PRKG1: variants seen among roughly 807,000 people sequenced by gnomAD.
The protein encoded by PRKG1 is protein kinase cGMP-dependent 1, also known as cGMP-dependent protein kinase 1.
PRKG1 carries 35 observed loss-of-function variants against 88.1 expected under a neutral mutation model. The ratio of observed to expected loss-of-function variants is 0.40; its 90% CI spans 0.30 to 0.53. PRKG1 has a LOEUF of 0.53. PRKG1 is among the 20% of genes least tolerant of loss of function. The probability of loss-of-function intolerance (pLI) is 0.59; values close to 1 mark genes in which losing one functional copy is unlikely to be tolerated. For missense variants in PRKG1, 540 were observed against 839.8 expected, an observed-to-expected ratio of 0.64 and a Z score of 4.41; for synonymous variants, 303 against 292.5, an observed-to-expected ratio of 1.04 and a Z score of -0.37.
intron 2 of PRKG1, among the ~76,000 whole-genome samples, chr10:51,158,937 G>A (rs1846289038): frequency 1.3e-5 from 2 of 149,280 alleles, no homozygotes; most frequent in South Asian, 4.2e-4. Context: ...CAAAAGACTA[G>A]ACTCATTTCT....
intron 2 of PRKG1, among the ~76,000 whole-genome samples, chr10:51,461,440 A>G (rs529806375): frequency 6.6e-6 from 1 of 152,328 alleles, no homozygotes; most frequent in Admixed American, 6.5e-5. Context: ...TAATACATAT[A>G]TATGTGTAAT....
rs920936914 is a variant in PRKG1, at chr10:51,373,393, C to G, written c.479-94330C>G. ...TCACCTAAGGTTTGATAAGGAGGTG[C>G]TATGATTCAAATGTGTCCTCTCCAA... is the stretch of plus-strand genomic sequence containing the variant. On this transcript the variant is annotated intron_variant, in intron 2 of 17. Transcript: ENST00000373980. Among the ~76,000 whole-genome samples, 49 of 152,128 alleles carry G rather than the reference C, an allele frequency of 3.2e-4. 1 individual carries two copies. Among genetic ancestry groups the G allele is most frequent in the Non-Finnish European group, 2.2e-4 (15 of 68,020 alleles).
At chr10:52,136,625 TCA>T (rs1837430843) in intron 8 of PRKG1, among the ~76,000 whole-genome samples, 1 of 152,070 alleles carries the variant, frequency 6.6e-6, no homozygotes, top group African/African-American at 2.4e-5. Flanking sequence ...ATTCTGAGTC[TCA>T]GTTTTCCTGT....
intron 2 of PRKG1, among the ~76,000 whole-genome samples, chr10:51,240,332 C>G (rs1395343746): frequency 6.6e-6 from 1 of 152,106 alleles, no homozygotes; most frequent in African/African-American, 2.4e-5. Flanking sequence ...ATAGACATAC[C>G]TTTGTTTGTG....
chr10:51,446,914 A>G (rs541777950), intron 2 of PRKG1, among the ~76,000 whole-genome samples: 1 of 152,146 alleles, frequency 6.6e-6, no homozygotes, highest in South Asian at 2.1e-4. Context: ...CTTTTCCTAA[A>G]TCATACAAAG....
intron 3 of PRKG1, among the ~76,000 whole-genome samples, chr10:51,793,128 C>A (rs1838913391): frequency 2.2e-5 from 2 of 92,824 alleles, no homozygotes. Context: ...TAAAGAAGGT[C>A]AGCACACTGC....
At chr10:52,205,769 G>T (rs1053090247) in intron 9 of PRKG1, among the ~76,000 whole-genome samples, 9 of 152,156 alleles carry the variant, frequency 5.9e-5, no homozygotes. Flanking sequence ...TGGGATTTCT[G>T]CTGAAAGTTC....
intron 5 of PRKG1, among the ~76,000 whole-genome samples, chr10:51,975,099 T>C (rs910693268): frequency 3.3e-5 from 5 of 152,124 alleles, no homozygotes; most frequent in Admixed American, 6.6e-5. Flanking sequence ...GACAGTTACA[T>C]GCTGAGTGCA....
At chr10:51,697,392 A>G (rs1841323630) in intron 3 of PRKG1, 2 of 290,738 alleles carry the variant, frequency 6.9e-6, no homozygotes, top group Non-Finnish European at 1.3e-5. Context: ...TAAAAAATGT[A>G]GTTAACATAC....
intron 3 of PRKG1, among the ~76,000 whole-genome samples, chr10:51,774,914 T>C (rs752572900): frequency 2.0e-5 from 3 of 152,144 alleles, no homozygotes; most frequent in Admixed American, 6.5e-5. Context: ...TGTGTTTGGT[T>C]GGTTGATTTT....
chr10:51,055,918 T>G (rs1446426576), intron 1 of PRKG1, among the ~76,000 whole-genome samples: 2 of 152,132 alleles, frequency 1.3e-5, no homozygotes, highest in African/African-American at 2.4e-5. Flanking sequence ...TTCTTTCCTC[T>G]TGATTCTACA....
At chr10:51,498,046 C>T (rs1367217341) in intron 3 of PRKG1, among the ~76,000 whole-genome samples, 1 of 152,108 alleles carries the variant, frequency 6.6e-6, no homozygotes, top group Non-Finnish European at 1.5e-5. Context: ...TCAAGGAGTG[C>T]TTTAAGCAGT....
rs868138899 is a variant in PRKG1 at position 51,178,034 on chromosome 10, A to G, written c.478+24704A>G. Among the ~76,000 whole-genome samples the G allele has an allele frequency of 1.2e-4, 19 of 152,326 alleles. 1 individual carries two copies. In the Middle Eastern group the frequency reaches 0.014, roughly 109 times the overall value. ...CATTTGCTTGTATCATCATTGAGAT[A>G]TAGTATCATTTAGATTCACATAAAA... On this transcript the variant is annotated intron_variant, in intron 2 of 17. Coordinates refer to ENST00000373980, the MANE Select transcript of PRKG1 (RefSeq NM_006258.4).
chr10:51,104,738 ATTTATTTT>A (rs987889247), intron 1 of PRKG1, among the ~76,000 whole-genome samples: 3 of 142,604 alleles, frequency 2.1e-5, no homozygotes, highest in African/African-American at 7.9e-5. Flanking sequence ...TTATTTATTT[ATTTATTTT>A]GTGATGGAGT....
At chr10:51,144,408 TAGAG>T (rs536039692) in intron 1 of PRKG1, among the ~76,000 whole-genome samples, 1 of 152,092 alleles carries the variant, frequency 6.6e-6, no homozygotes, top group Non-Finnish European at 1.5e-5. Flanking sequence ...ATGGCAAACT[TAGAG>T]AGTCAAAAAT....
At chr10:51,307,118 G>A (rs1020400064) in intron 2 of PRKG1, among the ~76,000 whole-genome samples, 4 of 151,880 alleles carry the variant, frequency 2.6e-5, no homozygotes, top group African/African-American at 9.7e-5. Context: ...TAATGATAAT[G>A]CATTATTATA....
intron 5 of PRKG1, among the ~76,000 whole-genome samples, chr10:51,961,187 G>T (rs1446335214): frequency 1.3e-5 from 2 of 151,996 alleles, no homozygotes; most frequent in Admixed American, 6.6e-5. Flanking sequence ...TTGATATTGT[G>T]GGGGGAGGAT....
At chr10:51,488,552 A>G (rs1256020023) in intron 3 of PRKG1, among the ~76,000 whole-genome samples, 1 of 152,118 alleles carries the variant, frequency 6.6e-6, no homozygotes, top group East Asian at 1.9e-4. Context: ...TGACATCTAT[A>G]TTTACTACTA....
At chr10:52,246,574 T>C (rs563190491) in intron 9 of PRKG1, among the ~76,000 whole-genome samples, 2 of 152,142 alleles carry the variant, frequency 1.3e-5, no homozygotes, top group South Asian at 4.1e-4. Flanking sequence ...CAATATTTCA[T>C]TATTTAAAGA....
Sources: gnomAD v4.1 joint callset for allele counts (sites outside exome capture counted in the v4.1 genomes callset) on GRCh38, gnomAD v4.1.1 for gene constraint, MANE v1.5 for transcripts, NCBI Gene and HGNC (gene_info 2026-07-23, HGNC 2026-07-21) for gene names.